The following SNRNP40 variants were observed in gnomAD, a reference collection of about 807,000 sequenced individuals.
SNRNP40 encodes the protein U5 small nuclear ribonucleoprotein 40 kDa protein.
In SNRNP40, 21 loss-of-function variants were observed where a neutral mutation model predicts 45.8. The observed-to-expected ratio is 0.46, with a 90% CI of 0.32 to 0.66. SNRNP40 has a LOEUF of 0.66. Among genes scored for constraint, SNRNP40 ranks in the 30% least tolerant of loss-of-function variants. The probability of loss-of-function intolerance (pLI) is 0.03; values close to 1 mark genes in which losing one functional copy is unlikely to be tolerated. For missense variants in SNRNP40, 344 were observed against 439.1 expected, an observed-to-expected ratio of 0.78 and a Z score of 1.94; for synonymous variants, 142 against 163.8, an observed-to-expected ratio of 0.87 and a Z score of 1.01.
rs372445317 is a variant in SNRNP40, at chr1:31,296,732, C to G, written c.20G>C (p.Arg7Pro). 8.1e-6 allele frequency: 13 copies of G among 1,611,388 alleles called. No homozygotes were observed. The highest frequency in any genetic ancestry group is 2.7e-5 in the African/African-American group (2 of 74,804). Residue 7 changes from arginine to proline, a missense_variant, in exon 1 of 10, where the codon CGT becomes CCT. Coordinates refer to ENST00000263694, the MANE Select transcript of SNRNP40 (RefSeq NM_004814.3). ...AACCAGCGGCAACTCTGGGCCCTTA[C>G]GCTTCTGCTGTTCTATCATGGCGGC... MIEQQK[R>P]KGPELPLVPV... is the part of the protein sequence containing the mutation.
chr1:31,265,656 C>T (rs1305187876), intron 8 of SNRNP40, among the ~76,000 whole-genome samples: 1 of 152,050 alleles, frequency 6.6e-6, no homozygotes. Flanking sequence ...CTGGCTAACA[C>T]GGTGAAACTC....
In SNRNP40 at chr1:31,261,622, C is replaced by A; in HGVS notation, c.931G>T (p.Val311Leu). Reference protein sequence around the residue: ...AAGSADRFVYVWDTTSRRILY... With the variant: ...AAGSADRFVYLWDTTSRRILY... Reference sequence around the variant, plus strand: ...ATTCTCCTGCTTGTGGTATCCCACACATAAACAAACCTGTAAGGTATCATG... The same window carrying A: ...ATTCTCCTGCTTGTGGTATCCCACAAATAAACAAACCTGTAAGGTATCATG... The change falls in exon 9 of 10, where the codon GTG becomes TTG. Residue 311 changes from valine to leucine, a missense_variant. Physicochemically the swap from Val to Leu is conservative, Grantham distance 32. This residue lies in a region of SNRNP40 where 254 missense variants were observed against 380.2 expected (regional missense o/e 0.67). Transcript: ENST00000263694. 6.2e-7 allele frequency: 1 copy of A among 1,612,354 alleles called. No homozygotes were observed. The highest frequency in any genetic ancestry group is 8.5e-7 in the Non-Finnish European group (1 of 1,178,490).
intron 5 of SNRNP40, 138 bp from the exon 6 acceptor site, chr1:31,271,637 A>T (rs1288565904): frequency 1.2e-6 from 1 of 839,402 alleles, no homozygotes; most frequent in African/African-American, 1.9e-5. Context: ...TCAAAGAGAA[A>T]AACACCTTTT....
At position 31,293,254 on chromosome 1, in the gene SNRNP40, G is replaced by A. The variant is rs746166627; in HGVS notation, c.236C>T (p.Ser79Phe). ...VYCCKFHPNG[S>F]TLASAGFDRL... ...GTCAAATCCTGCAGATGCTAAGGTG[G>A]ATCCGTTGGGGTGGAACTTGCAGCA... Residue 79 changes from serine (S) to phenylalanine (F), a missense_variant, in exon 2 of 10, where the codon TCC (serine) becomes TTC (phenylalanine). Ser to Phe is a radical substitution (Grantham distance 155). This residue lies in a region of SNRNP40 where 254 missense variants were observed against 380.2 expected (regional missense o/e 0.67). Coordinates refer to ENST00000263694, the MANE Select transcript of SNRNP40 (RefSeq NM_004814.3). 1.2e-6 allele frequency: 2 copies of A among 1,614,088 alleles called. No homozygotes were observed. Among genetic ancestry groups the A allele is most frequent in the South Asian group, 2.2e-5 (2 of 91,074 alleles).
chr1:31,278,351 T>C (rs971631032), intron 5 of SNRNP40, among the ~76,000 whole-genome samples: 4 of 152,210 alleles, frequency 2.6e-5, no homozygotes, highest in Non-Finnish European at 4.4e-5. Context: ...ATCCTCACAG[T>C]GGAGACGAGG....
chr1:31,264,725 C>T lies in SNRNP40; in HGVS notation c.921-3093G>A, dbSNP rs78761300. Among the ~76,000 whole-genome samples, 88 of 152,246 alleles carry T rather than the reference C, an allele frequency of 5.8e-4. No individual in the cohort carries two copies. The East Asian group carries it at 0.014, about 24-fold the overall frequency. ...TGGCCGAGAGACTGGTCAGCCTTCC[C>T]GTAGCCTATAGGACTATTCAGAGTT... On this transcript the variant is annotated intron_variant, in intron 8 of 9. Transcript: ENST00000263694.
At chr1:31,261,502 C>T (rs1645858895) in intron 9 of SNRNP40, 27 bp downstream of exon 9, 10 of 1,481,038 alleles carry the variant, frequency 6.8e-6, no homozygotes, top group African/African-American at 1.4e-5. Context: ...TCCAGTTTCC[C>T]TTTCCCCCTC....
At chr1:31,289,082 T>C (rs992541000) in intron 4 of SNRNP40, among the ~76,000 whole-genome samples, 172 bp downstream of exon 4, 1 of 152,256 alleles carries the variant, frequency 6.6e-6, no homozygotes, top group Non-Finnish European at 1.5e-5. Flanking sequence ...TGTAGGGTAA[T>C]TAAAACTTGT....
Position 31,296,726 on chromosome 1 carries a change from C to G in SNRNP40, c.26G>C (p.Gly9Ala), listed in dbSNP as rs200658041. ...GACTGGAACCAGCGGCAACTCTGGG[C>G]CCTTACGCTTCTGCTGTTCTATCAT... MIEQQKRK[G>A]PELPLVPVKR... The change falls in exon 1 of 10, where the codon GGC becomes GCC. Residue 9 changes from glycine to alanine, a missense_variant. Physicochemically the swap from Gly to Ala is moderately conservative, Grantham distance 60. Coordinates refer to ENST00000263694, the MANE Select transcript of SNRNP40 (RefSeq NM_004814.3). The G allele has an allele frequency of 1.7e-5, 28 of 1,612,180 alleles. No individual in the cohort carries two copies. Among genetic ancestry groups the G allele is most frequent in the African/African-American group, 6.7e-5 (5 of 74,840 alleles).
rs540041921 is a variant in SNRNP40, at chr1:31,288,080, T to G, written c.531+1174A>C. On this transcript the variant is annotated intron_variant, in intron 4 of 9. Transcript: ENST00000263694. ...CAAGAGGCTGAGGCTGGGGAATCAC[T>G]TGAACCCGGGAGGTGGAGGCTACAG... Among the ~76,000 whole-genome samples the G allele has an allele frequency of 3.6e-3, 544 of 152,134 alleles. 3 individuals are homozygous for G. The highest frequency in any genetic ancestry group is 6.3e-3 in the Non-Finnish European group (430 of 67,990).
intron 5 of SNRNP40, among the ~76,000 whole-genome samples, chr1:31,273,904 G>C (rs574762877): frequency 6.6e-6 from 1 of 152,132 alleles, no homozygotes; most frequent in Non-Finnish European, 1.5e-5. Context: ...GTGAGAAAGG[G>C]AAGCTTTCAC....
chr1:31,271,676 C>T (rs1197626302), intron 5 of SNRNP40, among the ~76,000 whole-genome samples, 177 bp from the exon 6 acceptor site: 2 of 150,638 alleles, frequency 1.3e-5, no homozygotes, highest in Non-Finnish European at 2.9e-5. Flanking sequence ...TTTGAGACAG[C>T]GTCTCACTCT....
intron 4 of SNRNP40, among the ~76,000 whole-genome samples, chr1:31,287,746 T>A (rs1646069806): frequency 6.6e-6 from 1 of 152,198 alleles, no homozygotes; most frequent in Admixed American, 6.5e-5. Context: ...ACGCCTGTAA[T>A]CCCAGCACTT....
intron 6 of SNRNP40, chr1:31,271,110 T>C (rs558167151): frequency 6.8e-6 from 2 of 294,428 alleles, no homozygotes; most frequent in East Asian, 6.0e-5. Context: ...TAATATCCTG[T>C]TGGATACACA....
intron 5 of SNRNP40, among the ~76,000 whole-genome samples, chr1:31,276,902 C>T (rs1645979715): frequency 6.6e-6 from 1 of 151,908 alleles, no homozygotes; most frequent in South Asian, 2.1e-4. Context: ...GACGTGGTGG[C>T]GGCTGCCTGT....
At chr1:31,291,813 A>G (rs1646109761) in intron 3 of SNRNP40, 100 bp downstream of exon 3, 1 of 791,704 alleles carries the variant, frequency 1.3e-6, no homozygotes, top group Non-Finnish European at 2.2e-6. Flanking sequence ...ACCCAAAATT[A>G]GTAGTTTTTG....
chr1:31,289,329 G>A lies in SNRNP40; in HGVS notation c.456C>T (p.Ser152=). 1 of 1,614,034 alleles carries A rather than the reference G, an allele frequency of 6.2e-7. No individual in the cohort carries two copies. The highest frequency in any genetic ancestry group is 8.5e-7 in the Non-Finnish European group (1 of 1,179,896). The change falls in exon 4 of 10, where the codon TCC becomes TCT. Residue 152 remains serine (S), a synonymous_variant. Transcript: ENST00000263694. ...TGGCTGGATAACAGGAATTCACAAA[G>A]GAAGTATGTCCCTTTAGCCTTTTAA... ...ERVKRLKGHT[S]FVNSCYPARR... is the part of the protein sequence containing the mutation.
At chr1:31,285,590 T>A (rs1646052080) in intron 4 of SNRNP40, among the ~76,000 whole-genome samples, 2 of 152,166 alleles carry the variant, frequency 1.3e-5, no homozygotes, top group African/African-American at 4.8e-5. Context: ...TCCTACATCA[T>A]CTCAACATAA....
intron 5 of SNRNP40, among the ~76,000 whole-genome samples, chr1:31,276,741 G>A (rs931429862): frequency 1.1e-4 from 16 of 151,908 alleles, no homozygotes; most frequent in African/African-American, 2.4e-4. Flanking sequence ...AAACGAAAAC[G>A]AACCAAACTG....
Sources: gnomAD v4.1 joint callset for allele counts (sites outside exome capture counted in the v4.1 genomes callset) on GRCh38, gnomAD v4.1.1 for gene constraint, gnomAD v4.1.1 regional missense constraint, MANE v1.5 for transcripts, NCBI Gene and HGNC (gene_info 2026-07-23, HGNC 2026-07-21) for gene names.